Variants in MYOD1 observed in about 807,000 individuals in gnomAD.
MYOD1 encodes myoblast determination protein 1.
Under a neutral mutation model 14.9 loss-of-function variants are expected in MYOD1, and 15 were observed. The observed-to-expected ratio is 1.01, with a 90% CI of 0.67 to 1.55. MYOD1 has a LOEUF of 1.55. Ranked by LOEUF, MYOD1 falls within the 40% of genes most tolerant of loss-of-function variation. The pLI, the probability that MYOD1 is intolerant of heterozygous loss-of-function variation, is 0.00. For missense variants in MYOD1, 529 were observed against 482.6 expected, an observed-to-expected ratio of 1.10 and a Z score of -0.90; for synonymous variants, 235 against 218.6, an observed-to-expected ratio of 1.07 and a Z score of -0.66.
chr11:17,719,695 C>G lies in MYOD1; in HGVS notation c.-88C>G. 3 of 1,503,902 alleles carry G rather than the reference C, an allele frequency of 2.0e-6. No homozygotes were observed. The highest frequency in any genetic ancestry group is 2.7e-6 in the Non-Finnish European group (3 of 1,122,494). The allele number at this position is 1,503,902 out of a possible 1,614,324, so 93.2% of individuals were successfully genotyped here. On this transcript the variant is annotated 5_prime_UTR_variant, in exon 1 of 3. Coordinates refer to ENST00000250003, the MANE Select transcript of MYOD1 (RefSeq NM_002478.5). ...ACTGCCAGCACTTTGCTATCTACAG[C>G]CGGGGCTCCCGAGCGGCAGAAAGTT...
chr11:17,721,041 T>C lies in MYOD1; in HGVS notation c.709+61T>C. 6.8e-7 allele frequency: 1 copy of C among 1,464,510 alleles called. No individual in the cohort carries two copies. Among genetic ancestry groups the C allele is most frequent in the Non-Finnish European group, 9.1e-7 (1 of 1,097,638 alleles). 90.7% of individuals were successfully genotyped at this position (1,464,510 alleles called of 1,614,324 possible). A position where few individuals can be genotyped will look rare whatever the true frequency, so the allele number is the denominator to read the frequency against. ...TCCTTCATGGAGCTGTCCTGGCCTC[T>C]ATCTAGGACGCTCCCACCCCCACTC... is the stretch of plus-strand genomic sequence containing the variant. On this transcript the variant is annotated intron_variant, in intron 2 of 2. Transcript: ENST00000250003. This position sits in a 1 kb window ranked among gnomAD's most constrained non-coding sequence, Gnocchi z 6.2.
rs765560608 is a variant in MYOD1 at position 17,721,490 on chromosome 11, G to T, written c.945G>T (p.Pro315=). The change falls in exon 3 of 3, where the codon CCG becomes CCT. Residue 315 remains proline (P), a synonymous_variant. Coordinates refer to ENST00000250003, the MANE Select transcript of MYOD1 (RefSeq NM_002478.5). The surrounding 1 kb of genome is among the most constrained non-coding windows in gnomAD (Gnocchi z 6.2). ...PQCPAGANPN[P]IYQVL ...GCCCTGCGGGTGCGAACCCCAACCC[G>T]ATATACCAGGTGCTCTGAGGGGATG... is the stretch of plus-strand genomic sequence containing the variant. 1 of 1,565,626 alleles carries T rather than the reference G, an allele frequency of 6.4e-7. No individual in the cohort carries two copies. Among genetic ancestry groups the T allele is most frequent in the South Asian group, 1.2e-5 (1 of 86,778 alleles).
chr11:17,720,526 C>A, intron 1 of MYOD1, 114 bp downstream of exon 1: 1 of 1,336,890 alleles, frequency 7.5e-7, no homozygotes, highest in South Asian at 1.6e-5. Flanking sequence ...GGATCCTTCC[C>A]GAGAGAGAGG....
rs753887769 is a variant in MYOD1, at chr11:17,721,477, C to T, written c.932C>T (p.Ala311Val). The T allele has an allele frequency of 1.3e-6, 2 of 1,581,396 alleles. No individual in the cohort carries two copies. The highest frequency in any genetic ancestry group is 1.1e-5 in the South Asian group (1 of 88,682). ...PDAAPQCPAG[A>V]NPNPIYQVL ...GCCGCCCCGCAGTGCCCTGCGGGTG[C>T]GAACCCCAACCCGATATACCAGGTG... is the stretch of plus-strand genomic sequence containing the variant. Residue 311 changes from alanine (A) to valine (V), a missense_variant, in exon 3 of 3, where the codon GCG becomes GTG. Physicochemically the swap from Ala to Val is moderately conservative, Grantham distance 64. Coordinates refer to ENST00000250003, the MANE Select transcript of MYOD1 (RefSeq NM_002478.5). This position sits in a 1 kb window ranked among gnomAD's most constrained non-coding sequence, Gnocchi z 6.2.
chr11:17,720,613 T>C (rs1848628407), intron 1 of MYOD1, among the ~76,000 whole-genome samples: 1 of 152,180 alleles, frequency 6.6e-6, no homozygotes, highest in South Asian at 2.1e-4. Flanking sequence ...GCTGCCCCAT[T>C]GGGGGCGCTA....
At position 17,720,294 on chromosome 11, in the gene MYOD1, C is replaced by A; in HGVS notation, c.512C>A (p.Pro171His). 1 of 1,593,170 alleles carries A rather than the reference C, an allele frequency of 6.3e-7. No homozygotes were observed. Among genetic ancestry groups the A allele is most frequent in the African/African-American group, 1.4e-5 (1 of 72,018 alleles). Residue 171 changes from proline to histidine, a missense_variant, in exon 1 of 3, where the codon CCC becomes CAC. Pro to His is a moderately conservative substitution (Grantham distance 77). Transcript: ENST00000250003. ...CTGCTGCGCGACCAGGACGCCGCGC[C>A]CCCTGGCGCCGCAGCCGCCTTCTAT... ...QALLRDQDAA[P>H]PGAAAAFYAP... is the part of the protein sequence containing the mutation.
chr11:17,720,022 T>A lies in MYOD1; in HGVS notation c.240T>A (p.His80Gln). Residue 80 changes from histidine to glutamine, a missense_variant, in exon 1 of 3, where the codon CAT (histidine) becomes CAA (glutamine). Coordinates refer to ENST00000250003, the MANE Select transcript of MYOD1 (RefSeq NM_002478.5). ...CCCCGGGCGCACGTGAGGACGAGCA[T>A]GTGCGCGCGCCCAGCGGGCACCACC... ...HPAPGAREDE[H>Q]VRAPSGHHQA... The A allele has an allele frequency of 6.3e-7, 1 of 1,590,466 alleles. No individual in the cohort carries two copies. Among genetic ancestry groups the A allele is most frequent in the Non-Finnish European group, 8.6e-7 (1 of 1,168,790 alleles).
At position 17,720,894 on chromosome 11, in the gene MYOD1, G is replaced by C. The variant is rs917624492; in HGVS notation, c.631-8G>C. On this transcript the variant is annotated splice_polypyrimidine_tract_variant and splice_region_variant and intron_variant, in intron 1 of 2. Coordinates refer to ENST00000250003, the MANE Select transcript of MYOD1 (RefSeq NM_002478.5). ...CGGGCCTGACTCAGTCGCCCTTGCT[G>C]TTTGCAGATGGACTACAGCGGCCCC... 2.5e-6 allele frequency: 4 copies of C among 1,611,412 alleles called. No individual in the cohort carries two copies. Among genetic ancestry groups the C allele is most frequent in the Non-Finnish European group, 3.4e-6 (4 of 1,179,310 alleles).
At position 17,721,259 on chromosome 11, in the gene MYOD1, C is replaced by G. The variant is rs1252472137; in HGVS notation, c.714C>G (p.Pro238=). 2 of 1,554,120 alleles carry G rather than the reference C, an allele frequency of 1.3e-6. No homozygotes were observed. Among genetic ancestry groups the G allele is most frequent in the Non-Finnish European group, 8.7e-7 (1 of 1,151,186 alleles). The change falls in exon 3 of 3, where the codon CCC becomes CCG. Residue 238 remains proline, a synonymous_variant. Coordinates refer to ENST00000250003, the MANE Select transcript of MYOD1 (RefSeq NM_002478.5). This position sits in a 1 kb window ranked among gnomAD's most constrained non-coding sequence, Gnocchi z 6.2. ...AACCGAGCCCTCCCCGCGCAGAACC[C>G]AGGCCCGGGAAGAGTGCGGCGGTGT... The part of the protein sequence containing the change: ...GAYYNEAPSE[P]RPGKSAAVSS...
rs767647363 is a variant in MYOD1, at chr11:17,720,349, C to T, written c.567C>T (p.Gly189=). Reference sequence around the variant, plus strand: ...CGGGCCCGCTGCCCCCGGGCCGCGGCGGCGAGCACTACAGCGGCGACTCCG... The same window carrying T: ...CGGGCCCGCTGCCCCCGGGCCGCGGTGGCGAGCACTACAGCGGCGACTCCG... ...YAPGPLPPGR[G]GEHYSGDSDA... is the part of the protein sequence containing the mutation. The change falls in exon 1 of 3, where the codon GGC becomes GGT. Residue 189 remains glycine, a synonymous_variant. Coordinates refer to ENST00000250003, the MANE Select transcript of MYOD1 (RefSeq NM_002478.5). 2 of 1,535,506 alleles carry T rather than the reference C, an allele frequency of 1.3e-6. No homozygotes were observed. Among genetic ancestry groups the T allele is most frequent in the Non-Finnish European group, 1.7e-6 (2 of 1,151,088 alleles).
Position 17,721,522 on chromosome 11 carries a change from G to A in MYOD1, c.*14G>A, listed in dbSNP as rs1200318727. On this transcript the variant is annotated 3_prime_UTR_variant, in exon 3 of 3. Transcript: ENST00000250003. This position sits in a 1 kb window ranked among gnomAD's most constrained non-coding sequence, Gnocchi z 6.2. ...CAGGTGCTCTGAGGGGATGGTGGCCGCCCACCCGCCCGAGGGATGGTGCCC... is the reference window on the plus strand; with the variant it reads ...CAGGTGCTCTGAGGGGATGGTGGCCACCCACCCGCCCGAGGGATGGTGCCC... The A allele has an allele frequency of 2.0e-6, 3 of 1,496,642 alleles. No individual in the cohort carries two copies. Among genetic ancestry groups the A allele is most frequent in the South Asian group, 2.6e-5 (2 of 75,694 alleles). The allele number at this position is 1,496,642 out of a possible 1,614,324, so 92.7% of individuals were successfully genotyped here. A position where few individuals can be genotyped will look rare whatever the true frequency, so the allele number is the denominator to read the frequency against.
At position 17,719,598 on chromosome 11, in the gene MYOD1, C is replaced by T. The variant is rs1011985171; in HGVS notation, c.-185C>T. ...GGGTGAGGAAGCCCTGGGGCGCTGC[C>T]GCCGCTTTCCTTAACCACAAATCAG... On this transcript the variant is annotated 5_prime_UTR_variant, in exon 1 of 3. Coordinates refer to ENST00000250003, the MANE Select transcript of MYOD1 (RefSeq NM_002478.5). The T allele has an allele frequency of 2.2e-5, 17 of 768,010 alleles. No individual in the cohort carries two copies. The highest frequency in any genetic ancestry group is 8.3e-5 in the East Asian group (3 of 35,994). The allele number at this position is 768,010 out of a possible 1,614,324, so 47.6% of individuals were successfully genotyped here.
intron 1 of MYOD1, 22 bp from the exon 2 acceptor site, chr11:17,720,880 C>G: frequency 6.2e-7 from 1 of 1,607,222 alleles, no homozygotes; most frequent in East Asian, 2.2e-5. Flanking sequence ...GGGCCTGACT[C>G]AGTCGCCCTT....
chr11:17,721,520 C>T lies in MYOD1; in HGVS notation c.*12C>T. On this transcript the variant is annotated 3_prime_UTR_variant, in exon 3 of 3. Transcript: ENST00000250003. This position sits in a 1 kb window ranked among gnomAD's most constrained non-coding sequence, Gnocchi z 6.2. ...ACCAGGTGCTCTGAGGGGATGGTGGCCGCCCACCCGCCCGAGGGATGGTGC... is the reference window on the plus strand; with the variant it reads ...ACCAGGTGCTCTGAGGGGATGGTGGTCGCCCACCCGCCCGAGGGATGGTGC... 1 of 1,498,108 alleles carries T rather than the reference C, an allele frequency of 6.7e-7. No individual in the cohort carries two copies. The highest frequency in any genetic ancestry group is 8.9e-7 in the Non-Finnish European group (1 of 1,129,436). 92.8% of individuals were successfully genotyped at this position (1,498,108 alleles called of 1,614,324 possible).
rs563199161 is a variant in MYOD1, at chr11:17,719,750, G to A, written c.-33G>A. On this transcript the variant is annotated 5_prime_UTR_variant, in exon 1 of 3. Coordinates refer to ENST00000250003, the MANE Select transcript of MYOD1 (RefSeq NM_002478.5). ...CCACTCTCTGCCGCTTGGGTTGGGCGAAGCCAGGACCGTGCCGCGCCACCG... is the reference window on the plus strand; with the variant it reads ...CCACTCTCTGCCGCTTGGGTTGGGCAAAGCCAGGACCGTGCCGCGCCACCG... 6.3e-6 allele frequency: 10 copies of A among 1,576,326 alleles called. No homozygotes were observed. The Admixed American group carries it at 1.1e-4, about 17-fold the overall frequency.
In MYOD1 at chr11:17,719,944, C is replaced by A. The variant is rs1848619359; in HGVS notation, c.162C>A (p.Gly54=). The part of the protein sequence containing the change: ...EDLDPRLMHV[G]ALLKPEEHSH... ...TGGACCCGCGCCTGATGCACGTGGG[C>A]GCGCTCCTGAAACCCGAAGAGCACT... The change falls in exon 1 of 3, where the codon GGC becomes GGA. Residue 54 remains glycine (G), a synonymous_variant. Transcript: ENST00000250003. 2 of 1,613,718 alleles carry A rather than the reference C, an allele frequency of 1.2e-6. No individual in the cohort carries two copies. The highest frequency in any genetic ancestry group is 1.7e-5 in the Admixed American group (1 of 60,028).
Position 17,720,348 on chromosome 11 carries a change from G to A in MYOD1, c.566G>A (p.Gly189Asp), listed in dbSNP as rs1273747887. 6.5e-7 allele frequency: 1 copy of A among 1,536,618 alleles called. No individual in the cohort carries two copies. The highest frequency in any genetic ancestry group is 8.7e-7 in the Non-Finnish European group (1 of 1,151,508). Residue 189 changes from glycine (G) to aspartate (D), a missense_variant, in exon 1 of 3, where the codon GGC (glycine) becomes GAC (aspartate). Gly to Asp is a moderately conservative substitution (Grantham distance 94). Coordinates refer to ENST00000250003, the MANE Select transcript of MYOD1 (RefSeq NM_002478.5). ...CCGGGCCCGCTGCCCCCGGGCCGCG[G>A]CGGCGAGCACTACAGCGGCGACTCC... ...YAPGPLPPGR[G>D]GEHYSGDSDA...
chr11:17,720,008 C>G lies in MYOD1; in HGVS notation c.226C>G (p.Arg76Gly). The change falls in exon 1 of 3, where the codon CGT becomes GGT. Residue 76 changes from arginine (R) to glycine (G), a missense_variant. By Grantham distance (125) the Arg-to-Gly change is moderately radical (BLOSUM62 -2). Transcript: ENST00000250003. Reference sequence around the variant, plus strand: ...GGCGGTGCACCCGGCCCCGGGCGCACGTGAGGACGAGCATGTGCGCGCGCC... The same window carrying G: ...GGCGGTGCACCCGGCCCCGGGCGCAGGTGAGGACGAGCATGTGCGCGCGCC... The part of the protein sequence containing the change: ...PAAVHPAPGA[R>G]EDEHVRAPSG... 6.2e-7 allele frequency: 1 copy of G among 1,601,560 alleles called. No individual in the cohort carries two copies. Among genetic ancestry groups the G allele is most frequent in the Non-Finnish European group, 8.5e-7 (1 of 1,174,494 alleles).
rs1181520412 is a variant in MYOD1 at position 17,720,920 on chromosome 11, C to G, written c.649C>G (p.Pro217Ala). 6.2e-7 allele frequency: 1 copy of G among 1,612,110 alleles called. No individual in the cohort carries two copies. The highest frequency in any genetic ancestry group is 8.5e-7 in the Non-Finnish European group (1 of 1,179,708). ...SDGMMDYSGP[P>A]SGARRRNCYE... ...TTTGCAGATGGACTACAGCGGCCCC[C>G]CGAGCGGCGCCCGGCGGCGGAACTG... is the stretch of plus-strand genomic sequence containing the variant. Residue 217 changes from proline (P) to alanine (A), a missense_variant, in exon 2 of 3, where the codon CCG (proline) becomes GCG (alanine). Pro to Ala is a conservative substitution (Grantham distance 27, BLOSUM62 -1). Transcript: ENST00000250003.
Sources: gnomAD v4.1 joint callset for allele counts (sites outside exome capture counted in the v4.1 genomes callset) on GRCh38, gnomAD v4.1.1 for gene constraint, Gnocchi (gnomAD v3.1) non-coding constraint, MANE v1.5 for transcripts, NCBI Gene and HGNC (gene_info 2026-07-23, HGNC 2026-07-21) for gene names.